Variants in XDH observed in about 807,000 individuals in gnomAD.
XDH encodes the protein xanthine dehydrogenase/oxidase.
A neutral mutation model predicts 156.1 loss-of-function variants in XDH; 138 were observed. The ratio of observed to expected loss-of-function variants is 0.88; its 90% CI spans 0.77 to 1.02. XDH has a LOEUF of 1.02. XDH is among the 50% of genes least tolerant of loss of function. XDH has a pLI of 0.00. For synonymous variants in XDH, 669 were observed against 625.7 expected (o/e 1.07, Z -1.03); for missense variants, 1,849 against 1,684.9 (o/e 1.10, Z -1.71).
At chr2:31,369,183 G>A (rs778813763) in intron 18 of XDH, among the ~76,000 whole-genome samples, 6 of 152,086 alleles carry the variant, frequency 3.9e-5, no homozygotes, top group Non-Finnish European at 8.8e-5. Context: ...TGTAAAGGCT[G>A]TAAGCATCAA....
chr2:31,378,121 AGGAAGG>A (rs1558696700), intron 13 of XDH, among the ~76,000 whole-genome samples: 43 of 46,246 alleles, frequency 9.3e-4, no homozygotes, highest in African/African-American at 3.4e-3. Flanking sequence ...GAAGGAAGGA[AGGAAGG>A]AAGGAAGGAA....
At chr2:31,353,505 A>G (rs1258753582) in intron 24 of XDH, among the ~76,000 whole-genome samples, 4 of 152,214 alleles carry the variant, frequency 2.6e-5, no homozygotes, top group African/African-American at 9.6e-5. Flanking sequence ...GGAAAAAAAA[A>G]GGCAGTCCCA....
At chr2:31,375,303 A>C in intron 15 of XDH, 77 bp downstream of exon 15, 1 of 1,597,364 alleles carries the variant, frequency 6.3e-7, no homozygotes, top group Non-Finnish European at 8.6e-7. Context: ...GGAGAGGAGC[A>C]AATTTACTAC....
chr2:31,347,452 C>T, intron 29 of XDH, 70 bp downstream of exon 29: 2 of 1,608,546 alleles, frequency 1.2e-6, no homozygotes, highest in Non-Finnish European at 1.7e-6. Context: ...TAGCTCCCAC[C>T]CAGGGAGACT....
chr2:31,380,255 C>T (rs1686401648), intron 12 of XDH, among the ~76,000 whole-genome samples: 1 of 152,208 alleles, frequency 6.6e-6, no homozygotes, highest in Non-Finnish European at 1.5e-5. Flanking sequence ...TACTTCCAGG[C>T]CACCAAAGTT....
intron 8 of XDH, among the ~76,000 whole-genome samples, chr2:31,387,010 A>C (rs1428496798): frequency 1.7e-5 from 2 of 119,034 alleles, no homozygotes; most frequent in African/African-American, 7.9e-5. Flanking sequence ...GAAGGAAGGA[A>C]GGAAGGAAGG....
chr2:31,362,518 C>A (rs1685803313), intron 24 of XDH, among the ~76,000 whole-genome samples: 1 of 152,134 alleles, frequency 6.6e-6, no homozygotes, highest in Non-Finnish European at 1.5e-5. Flanking sequence ...AAGCAAATAT[C>A]TAAACATTTT....
chr2:31,400,384 G>A (rs910681046), intron 4 of XDH, among the ~76,000 whole-genome samples: 14 of 151,384 alleles, frequency 9.2e-5, no homozygotes, highest in Admixed American at 2.0e-4. Context: ...GACTACAGGC[G>A]CCCGCCACTC....
rs116601887 is a variant in XDH at position 31,371,142 on chromosome 2, T to G, written c.1857-664A>C. ...GGCAACACGAACCGCAAAGGGAGAATGCCCGACTATATGATCAAGGATAAC... is the reference window on the plus strand; with the variant it reads ...GGCAACACGAACCGCAAAGGGAGAAGGCCCGACTATATGATCAAGGATAAC... On this transcript the variant is annotated intron_variant, in intron 17 of 35. Transcript: ENST00000379416. Among the ~76,000 whole-genome samples, 722 of 152,314 alleles carry G rather than the reference T, an allele frequency of 4.7e-3. 4 individuals carry two copies. Among genetic ancestry groups the G allele is most frequent in the African/African-American group, 0.017 (699 of 41,570 alleles).
At chr2:31,381,802 CCAG>C in intron 11 of XDH, 76 bp from the exon 12 acceptor site, 1 of 1,378,332 alleles carries the variant, frequency 7.3e-7, no homozygotes, top group South Asian at 1.2e-5. Flanking sequence ...CCTGAACATA[CCAG>C]CCAGGTGACA....
intron 33 of XDH, among the ~76,000 whole-genome samples, chr2:31,340,621 C>G (rs1162729181): frequency 6.6e-6 from 1 of 152,058 alleles, no homozygotes; most frequent in Non-Finnish European, 1.5e-5. Context: ...AGGTGCATGC[C>G]ACCACACCCA....
rs759587966 is a variant in XDH, at chr2:31,382,995, A to G, written c.1038+6T>C. ...CGGGCCTCGCTTGCTTCTGAGAGCG[A>G]CTCACCGCCACAGACTTGACTTGCT... On this transcript the variant is annotated splice_donor_region_variant and intron_variant, in intron 11 of 35. Transcript: ENST00000379416. 1.2e-6 allele frequency: 2 copies of G among 1,613,826 alleles called. No homozygotes were observed. The highest frequency in any genetic ancestry group is 1.7e-6 in the Non-Finnish European group (2 of 1,179,966).
intron 35 of XDH, among the ~76,000 whole-genome samples, chr2:31,336,771 A>G (rs1684979248): frequency 7.8e-6 from 1 of 128,438 alleles, no homozygotes; most frequent in South Asian, 2.6e-4. Flanking sequence ...TTGGGACCAC[A>G]TGTACCCACT....
chr2:31,397,420 C>T (rs1686940359), intron 6 of XDH, among the ~76,000 whole-genome samples: 1 of 152,256 alleles, frequency 6.6e-6, no homozygotes, highest in African/African-American at 2.4e-5. Context: ...CGGTGAGCCT[C>T]TTCCAGGAAG....
chr2:31,366,021 G>A lies in XDH; in HGVS notation c.2411C>T (p.Thr804Ile), dbSNP rs1685906107. 9 of 1,614,158 alleles carry A rather than the reference G, an allele frequency of 5.6e-6. No individual in the cohort carries two copies. The highest frequency in any genetic ancestry group is 2.2e-5 in the East Asian group (1 of 44,878). Reference sequence around the variant, plus strand: ...TGCCGTGGACACCACAGTGCTCCGGGTCTCCTTGCCTCCAAAGCCTCCTCC... The same window carrying A: ...TGCCGTGGACACCACAGTGCTCCGGATCTCCTTGCCTCCAAAGCCTCCTCC... ...RMGGGFGGKE[T>I]RSTVVSTAVA... is the part of the protein sequence containing the mutation. The change falls in exon 22 of 36, where the codon ACC becomes ATC. Residue 804 changes from threonine (T) to isoleucine (I), a missense_variant. Thr to Ile is a moderately conservative substitution (Grantham distance 89). Coordinates refer to ENST00000379416, the MANE Select transcript of XDH (RefSeq NM_000379.4).
At chr2:31,378,286 G>C (rs537619967) in intron 13 of XDH, among the ~76,000 whole-genome samples, 1 of 152,048 alleles carries the variant, frequency 6.6e-6, no homozygotes, top group African/African-American at 2.4e-5. Context: ...TCCTGGGTTC[G>C]AGCCAGGATC....
intron 35 of XDH, 87 bp downstream of exon 35, chr2:31,337,554 C>T: frequency 6.2e-7 from 1 of 1,602,064 alleles, no homozygotes; most frequent in Non-Finnish European, 8.5e-7. Context: ...AGCCCAACAC[C>T]TCTCCTCTGT....
At chr2:31,338,905 A>T (rs575324254) in intron 34 of XDH, among the ~76,000 whole-genome samples, 36 of 151,134 alleles carry the variant, frequency 2.4e-4, no homozygotes, top group African/African-American at 8.0e-4. Context: ...TTTTATTTTT[A>T]GTAGAGATGG....
intron 15 of XDH, 61 bp from the exon 16 acceptor site, chr2:31,374,017 G>T: frequency 6.5e-7 from 1 of 1,531,664 alleles, no homozygotes; most frequent in Non-Finnish European, 8.9e-7. Flanking sequence ...TTCCTTCCTT[G>T]CTTGTCCATA....
Sources: allele counts gnomAD v4.1 joint callset (sites outside exome capture counted in the v4.1 genomes callset), GRCh38; gene constraint gnomAD v4.1.1; transcripts MANE v1.5; gene names NCBI Gene and HGNC (gene_info 2026-07-23, HGNC 2026-07-21).